CEP104: variants seen among roughly 807,000 people sequenced by gnomAD.
CEP104 encodes the protein centrosomal protein 104.
Under a neutral mutation model 113.3 loss-of-function variants are expected in CEP104, and 84 were observed. That is an observed-to-expected ratio of 0.74 (90% CI 0.62 to 0.89). The LOEUF (loss-of-function observed/expected upper bound fraction) is 0.89. Ranked by LOEUF, CEP104 falls within the 40% of genes least tolerant of loss-of-function variation. The probability of loss-of-function intolerance (pLI) is 0.00; values close to 1 mark genes in which losing one functional copy is unlikely to be tolerated. For synonymous variants in CEP104, 378 were observed against 421.7 expected (o/e 0.90, Z 1.27); for missense variants, 1,053 against 1,156.6 (o/e 0.91, Z 1.30).
At position 3,847,966 on chromosome 1, in the gene CEP104, C is replaced by T. The variant is rs372061433; in HGVS notation, c.288-353G>A. Among the ~76,000 whole-genome samples the T allele has an allele frequency of 4.6e-4, 70 of 152,200 alleles. 1 individual carries two copies. The South Asian group carries it at 6.6e-3, about 14-fold the overall frequency. On this transcript the variant is annotated intron_variant, in intron 3 of 21. Transcript: ENST00000378230. ...TCTTCTGCCTCAGCTTCCCAAGTAG[C>T]TGGGATTATAGACGCTCACCACCAT...
chr1:3,841,223 G>C (rs1311440629), intron 6 of CEP104, among the ~76,000 whole-genome samples: 1 of 152,136 alleles, frequency 6.6e-6, no homozygotes, highest in Non-Finnish European at 1.5e-5. Flanking sequence ...TGTACTTGGT[G>C]AATCTGTATT....
chr1:3,841,430 C>G (rs916902689), intron 6 of CEP104, among the ~76,000 whole-genome samples: 3 of 152,180 alleles, frequency 2.0e-5, no homozygotes, highest in African/African-American at 7.2e-5. Flanking sequence ...GGGGTGTCTA[C>G]AAGATCACAT....
chr1:3,823,700 A>T lies in CEP104; in HGVS notation c.2365-138T>A. ...CACATGAAGTAAGCCACAGGCTTCT[A>T]TCTTCGGCATTTGCCCACAGACTGT... On this transcript the variant is annotated intron_variant, in intron 18 of 21. Coordinates refer to ENST00000378230, the MANE Select transcript of CEP104 (RefSeq NM_014704.4). This position sits in a 1 kb window ranked among gnomAD's most constrained non-coding sequence, Gnocchi z 4.1. 1 of 1,007,130 alleles carries T rather than the reference A, an allele frequency of 9.9e-7. No homozygotes were observed. Among genetic ancestry groups the T allele is most frequent in the Non-Finnish European group, 1.5e-6 (1 of 681,542 alleles). 62.4% of individuals were successfully genotyped at this position (1,007,130 alleles called of 1,614,324 possible).
rs755406055 is a variant in CEP104 at position 3,815,425 on chromosome 1, T to C, written c.2755A>G (p.Ser919Gly). Reference sequence around the variant, plus strand: ...CGTCAGCGCTTGGCGTACGTCCTGCTGGAGCTCTTGCTCAGTCCGCCCTTC... The same window carrying C: ...CGTCAGCGCTTGGCGTACGTCCTGCCGGAGCTCTTGCTCAGTCCGCCCTTC... ...TPKGGLSKSS[S>G]RTYAKR The change falls in exon 22 of 22, where the codon AGC (serine) becomes GGC (glycine). Residue 919 changes from serine (S) to glycine (G), a missense_variant. By Grantham distance (56) the Ser-to-Gly change is moderately conservative. Coordinates refer to ENST00000378230, the MANE Select transcript of CEP104 (RefSeq NM_014704.4). 5.6e-5 allele frequency: 90 copies of C among 1,612,982 alleles called. No individual in the cohort carries two copies. In the Admixed American group the frequency reaches 1.5e-3, roughly 27 times the overall value.
chr1:3,847,581 C>T lies in CEP104; in HGVS notation c.320G>A (p.Gly107Asp), dbSNP rs1298087414. Reference protein sequence around the residue: ...YVSLCDNEKTGCKARELKSVY... With the variant: ...YVSLCDNEKTDCKARELKSVY... The stretch of plus-strand genomic sequence containing the variant: ...TGATTTTAGTTCCCGGGCTTTGCAA[C>T]CTGTCTTTTCATTATCACAGAGAGA... The change falls in exon 4 of 22, where the codon GGT (glycine) becomes GAT (aspartate). Residue 107 changes from glycine (G) to aspartate (D), a missense_variant. Transcript: ENST00000378230. 5 of 1,614,006 alleles carry T rather than the reference C, an allele frequency of 3.1e-6. No individual in the cohort carries two copies. Among genetic ancestry groups the T allele is most frequent in the South Asian group, 1.1e-5 (1 of 91,040 alleles).
Position 3,844,958 on chromosome 1 carries a change from T to A in CEP104, c.515A>T (p.His172Leu). 1.9e-6 allele frequency: 3 copies of A among 1,614,128 alleles called. 1 individual carries two copies. In the South Asian group the frequency reaches 3.3e-5, roughly 18 times the overall value. ...NTASREKLID[H>L]YLGHNSEDPA... ...GTCCTCGCTGTTGTGCCCAAGGTAG[T>A]GGTCAATCAACTTCTCTCGAGAGGC... Residue 172 changes from histidine (H) to leucine (L), a missense_variant, in exon 6 of 22, where the codon CAC (histidine) becomes CTC (leucine). By Grantham distance (99) the His-to-Leu change is moderately conservative. Transcript: ENST00000378230.
intron 18 of CEP104, among the ~76,000 whole-genome samples, chr1:3,825,548 G>A (rs187912620): frequency 1.1e-4 from 17 of 152,332 alleles, no homozygotes; most frequent in Admixed American, 9.8e-4. Flanking sequence ...CCGAGGGGAG[G>A]TGGCGGCACA....
intron 20 of CEP104, among the ~76,000 whole-genome samples, chr1:3,818,410 G>A (rs1643912615): frequency 6.6e-6 from 1 of 152,174 alleles, no homozygotes; most frequent in African/African-American, 2.4e-5. Context: ...ATTCCTGACC[G>A]CAGTTACTTC....
At position 3,835,075 on chromosome 1, in the gene CEP104, A is replaced by T; in HGVS notation, c.1335T>A (p.Cys445Ter). ...LGETLVAEAY[C>*]KTWSYREDAL... ...CATCCTCTCGGTAGGACCACGTCTT[A>T]CAATAGGCCTCAGCAACCTACCACA... Residue 445 changes from cysteine (C) to a stop codon, truncating the protein, a stop_gained, in exon 11 of 22, where the codon TGT becomes TGA. Coordinates refer to ENST00000378230, the MANE Select transcript of CEP104 (RefSeq NM_014704.4). LOFTEE classifies it high-confidence loss of function. 3 of 1,613,568 alleles carry T rather than the reference A, an allele frequency of 1.9e-6. No homozygotes were observed. Among genetic ancestry groups the T allele is most frequent in the Non-Finnish European group, 2.5e-6 (3 of 1,179,742 alleles).
At chr1:3,854,764 C>G (rs927979712) in intron 1 of CEP104, among the ~76,000 whole-genome samples, 1 of 151,608 alleles carries the variant, frequency 6.6e-6, no homozygotes, top group East Asian at 1.9e-4. Flanking sequence ...CAGGCATAAG[C>G]CACCATGCCA....
chr1:3,847,699 T>C (rs1644533775), intron 3 of CEP104, 86 bp from the exon 4 acceptor site: 2 of 1,357,784 alleles, frequency 1.5e-6, no homozygotes, highest in South Asian at 2.4e-5. Flanking sequence ...AATAGGCTCA[T>C]TTATGTTTAT....
Position 3,845,275 on chromosome 1 carries a change from C to G in CEP104, c.489+14G>C, listed in dbSNP as rs1203586651. On this transcript the variant is annotated intron_variant, in intron 5 of 21. Coordinates refer to ENST00000378230, the MANE Select transcript of CEP104 (RefSeq NM_014704.4). ...AGATTTACTTCCTTAGGAATTAAAACTTTCCAAACTTACAGTATTGCTTTC... is the reference window on the plus strand; with the variant it reads ...AGATTTACTTCCTTAGGAATTAAAAGTTTCCAAACTTACAGTATTGCTTTC... 6.4e-7 allele frequency: 1 copy of G among 1,566,578 alleles called. No homozygotes were observed. The highest frequency in any genetic ancestry group is 8.7e-7 in the Non-Finnish European group (1 of 1,146,520).
In CEP104 at chr1:3,825,744, G is replaced by A; in HGVS notation, c.2364+14C>T. 1 of 1,565,388 alleles carries A rather than the reference G, an allele frequency of 6.4e-7. No homozygotes were observed. Among genetic ancestry groups the A allele is most frequent in the Non-Finnish European group, 8.8e-7 (1 of 1,135,828 alleles). Reference sequence around the variant, plus strand: ...GCTCATGCAAGTAGCTGGCTGCTGTGCCGCTGGCCTGACCTGTTTGCAGTG... The same window carrying A: ...GCTCATGCAAGTAGCTGGCTGCTGTACCGCTGGCCTGACCTGTTTGCAGTG... On this transcript the variant is annotated intron_variant, in intron 18 of 21. Coordinates refer to ENST00000378230, the MANE Select transcript of CEP104 (RefSeq NM_014704.4).
intron 2 of CEP104, among the ~76,000 whole-genome samples, chr1:3,850,341 C>G (rs1450909501): frequency 2.0e-5 from 3 of 152,214 alleles, no homozygotes; most frequent in South Asian, 2.1e-4. Flanking sequence ...GCATTTATCC[C>G]TTCAAGATAA....
Position 3,833,993 on chromosome 1 carries a change from G to A in CEP104, c.1528C>T (p.Gln510Ter). The A allele has an allele frequency of 1.2e-6, 2 of 1,613,596 alleles. No individual in the cohort carries two copies. Among genetic ancestry groups the A allele is most frequent in the Non-Finnish European group, 1.7e-6 (2 of 1,179,482 alleles). ...SLKLLKMIITQYIPKHKLSKL... is the reference protein window; with the variant it reads ...SLKLLKMIIT ...CTCAGTTTATGTTTAGGAATATATT[G>A]TGTAATGATCATTTTCAACAATTTC... Residue 510 changes from glutamine (Q) to a stop codon, truncating the protein, a stop_gained, in exon 12 of 22, where the codon CAA becomes TAA. Transcript: ENST00000378230. LOFTEE classifies it high-confidence loss of function.
Position 3,839,206 on chromosome 1 carries a change from C to A in CEP104, c.736-87G>T, listed in dbSNP as rs376094336. 1.4e-3 allele frequency: 1,727 copies of A among 1,214,214 alleles called. 37 individuals carry two copies. In the South Asian group the frequency reaches 0.021, roughly 15 times the overall value. 75.2% of individuals were successfully genotyped at this position (1,214,214 alleles called of 1,614,324 possible). On this transcript the variant is annotated intron_variant, in intron 7 of 21. Transcript: ENST00000378230. ...CTAATTTTTAAGAATCACGCGTGAA[C>A]CGTCTTGCAAGGAGAGGGAGTGAGC... is the stretch of plus-strand genomic sequence containing the variant.
intron 21 of CEP104, 198 bp downstream of exon 21, chr1:3,816,082 T>G (rs1643875770): frequency 3.8e-6 from 2 of 532,736 alleles, no homozygotes; most frequent in African/African-American, 2.0e-5. Context: ...AGTTTGCAGG[T>G]GGAGAAGGAT....
Position 3,823,925 on chromosome 1 carries a change from C to G in CEP104, c.2365-363G>C, listed in dbSNP as rs190303414. 3.3e-5 allele frequency among the ~76,000 whole-genome samples: 5 copies of G among 152,292 alleles called. No homozygotes were observed. In the East Asian group the frequency reaches 9.6e-4, roughly 29 times the overall value. On this transcript the variant is annotated intron_variant, in intron 18 of 21. Transcript: ENST00000378230. The surrounding 1 kb of genome is among the most constrained non-coding windows in gnomAD (Gnocchi z 4.1). ...TGGCTCCCCACTATTTCTAAGAATG[C>G]ACACAGAAACAGGACCACAGAAAAG...
chr1:3,834,112 G>A, intron 11 of CEP104, 77 bp from the exon 12 acceptor site: 1 of 1,169,706 alleles, frequency 8.5e-7, no homozygotes, highest in Non-Finnish European at 1.3e-6. Flanking sequence ...TTTACTATCA[G>A]TAACACATAC....
Sources: gnomAD v4.1 joint callset for allele counts (sites outside exome capture counted in the v4.1 genomes callset) on GRCh38, gnomAD v4.1.1 for gene constraint, Gnocchi (gnomAD v3.1) non-coding constraint, MANE v1.5 for transcripts, NCBI Gene and HGNC (gene_info 2026-07-23, HGNC 2026-07-21) for gene names.